DPYD: variants seen among roughly 807,000 people sequenced by gnomAD.
The protein encoded by DPYD is dihydropyrimidine dehydrogenase [NADP(+)].
Under a neutral mutation model 116.2 loss-of-function variants are expected in DPYD, and 109 were observed. That is an observed-to-expected ratio of 0.94 (90% CI 0.80 to 1.10). The LOEUF is 1.10. Among genes scored for constraint, DPYD ranks in the 50% least tolerant of loss-of-function variants. The pLI is 0.00. For missense variants in DPYD, 1,302 were observed against 1,254.5 expected (o/e 1.04, Z -0.57); for synonymous variants, 440 against 432.0 (o/e 1.02, Z -0.23).
chr1:97,435,458 C>T (rs761830329), intron 14 of DPYD, among the ~76,000 whole-genome samples: 9 of 151,780 alleles, frequency 5.9e-5, no homozygotes, highest in Non-Finnish European at 1.0e-4. Flanking sequence ...CTTCATTTGT[C>T]TTATTTTAAG....
chr1:97,577,485 C>T (rs533675157), intron 10 of DPYD, among the ~76,000 whole-genome samples: 1 of 152,130 alleles, frequency 6.6e-6, no homozygotes, highest in African/African-American at 2.4e-5. Context: ...TTGGATAACG[C>T]CCTGGACCCA....
chr1:97,905,008 C>T (rs896096786), intron 1 of DPYD, among the ~76,000 whole-genome samples: 2 of 151,892 alleles, frequency 1.3e-5, no homozygotes, highest in Non-Finnish European at 1.5e-5. Flanking sequence ...ATTAAAGTTA[C>T]CAAACCTAAA....
intron 20 of DPYD, among the ~76,000 whole-genome samples, chr1:97,157,681 C>T (rs1655573497): frequency 1.3e-5 from 2 of 152,126 alleles, no homozygotes; most frequent in African/African-American, 2.4e-5. Context: ...AATATGTATT[C>T]CATGGCACAC....
intron 20 of DPYD, among the ~76,000 whole-genome samples, chr1:97,120,145 G>A (rs1652311212): frequency 6.6e-6 from 1 of 152,128 alleles, no homozygotes; most frequent in South Asian, 2.1e-4. Context: ...TTCTTTGTCT[G>A]GGGATTTTGT....
chr1:97,514,538 T>C (rs2101971434), intron 13 of DPYD, among the ~76,000 whole-genome samples: 1 of 152,018 alleles, frequency 6.6e-6, no homozygotes, highest in South Asian at 2.1e-4. Context: ...AAGACAAATA[T>C]ACTATCAATA....
chr1:97,861,754 C>A (rs1671128898), intron 2 of DPYD, among the ~76,000 whole-genome samples: 1 of 151,700 alleles, frequency 6.6e-6, no homozygotes, highest in Non-Finnish European at 1.5e-5. Context: ...CCAACGTGAA[C>A]CAAAATTTAG....
At chr1:97,876,382 A>G (rs1445704234) in intron 2 of DPYD, among the ~76,000 whole-genome samples, 1 of 151,994 alleles carries the variant, frequency 6.6e-6, no homozygotes, top group Admixed American at 6.6e-5. Context: ...GAAGTAAGTG[A>G]GGCACTGAGG....
chr1:97,325,684 G>C (rs61787980), intron 16 of DPYD, among the ~76,000 whole-genome samples: 36,426 of 151,864 alleles, frequency 0.24, 5,467 homozygotes, highest in Admixed American at 0.39. Context: ...GTGTGTATGA[G>C]AGAGATGTGA....
intron 13 of DPYD, among the ~76,000 whole-genome samples, chr1:97,468,183 A>G (rs1677436024): frequency 6.6e-6 from 1 of 152,256 alleles, no homozygotes; most frequent in Admixed American, 6.5e-5. Flanking sequence ...GTATATATGT[A>G]TTAATCAGTT....
At chr1:97,530,368 C>T (rs1649527409) in intron 12 of DPYD, among the ~76,000 whole-genome samples, 1 of 151,944 alleles carries the variant, frequency 6.6e-6, no homozygotes, top group Non-Finnish European at 1.5e-5. Flanking sequence ...CAGGCGCCCA[C>T]CACCACGCCA....
At chr1:97,907,268 G>T (rs1036449366) in intron 1 of DPYD, among the ~76,000 whole-genome samples, 1 of 152,034 alleles carries the variant, frequency 6.6e-6, no homozygotes, top group Non-Finnish European at 1.5e-5. Flanking sequence ...TTAATTTTTA[G>T]TGTGGGTTTT....
In DPYD at chr1:97,432,300, T is replaced by C. The variant is rs557542934; in HGVS notation, c.1905+17759A>G. 5.3e-4 allele frequency among the ~76,000 whole-genome samples: 81 copies of C among 152,260 alleles called. 1 individual carries two copies. The highest frequency in any genetic ancestry group is 1.9e-3 in the African/African-American group (78 of 41,560). The stretch of plus-strand genomic sequence containing the variant: ...TCTCCCACACCCATACTGCTTTCCA[T>C]AGTGCCTATGCTAATTTACTATGTC... On this transcript the variant is annotated intron_variant, in intron 14 of 22. Transcript: ENST00000370192.
At chr1:97,406,458 T>G (rs2101651954) in intron 14 of DPYD, among the ~76,000 whole-genome samples, 1 of 152,034 alleles carries the variant, frequency 6.6e-6, no homozygotes, top group African/African-American at 2.4e-5. Context: ...AATGTGCAGG[T>G]TTGTTACATA....
At position 97,921,017 on chromosome 1, in the gene DPYD, G is replaced by A. The variant is rs1558055251; in HGVS notation, c.-95C>T. The A allele has an allele frequency of 6.7e-7, 1 of 1,490,216 alleles. No homozygotes were observed. Among genetic ancestry groups the A allele is most frequent in the Non-Finnish European group, 9.1e-7 (1 of 1,094,458 alleles). The allele number at this position is 1,490,216 out of a possible 1,614,324, so 92.3% of individuals were successfully genotyped here. ...CCAAGTGACAGCAGCCGGAGCGCGA[G>A]TCGAAAACAGGCAGACTAGGGCCGG... On this transcript the variant is annotated 5_prime_UTR_variant, in exon 1 of 23. Transcript: ENST00000370192.
chr1:97,100,347 G>A (rs890522137), intron 20 of DPYD, among the ~76,000 whole-genome samples: 1 of 152,052 alleles, frequency 6.6e-6, no homozygotes, highest in African/African-American at 2.4e-5. Context: ...CACCACATAA[G>A]GTGGCGAGCA....
At position 97,801,232 on chromosome 1, in the gene DPYD, C is replaced by A. The variant is rs143360820; in HGVS notation, c.233+26882G>T. 2.1e-3 allele frequency among the ~76,000 whole-genome samples: 324 copies of A among 152,012 alleles called. 5 individuals carry two copies. The highest frequency in any genetic ancestry group is 0.019 in the Admixed American group (284 of 15,206). ...GAGGACACAGCAAGAAGACAATACT[C>A]TGAAAGTCAGAAAGAGGGCCTTCAC... On this transcript the variant is annotated intron_variant, in intron 3 of 22. Transcript: ENST00000370192.
chr1:97,089,839 T>G (rs1157722674), intron 21 of DPYD, among the ~76,000 whole-genome samples: 288 of 150,882 alleles, frequency 1.9e-3, no homozygotes, highest in African/African-American at 5.5e-3. Context: ...TTTTTTTTTT[T>G]TTTTTTTTTT....
chr1:97,161,405 G>A (rs1655886522), intron 20 of DPYD, among the ~76,000 whole-genome samples: 1 of 152,008 alleles, frequency 6.6e-6, no homozygotes, highest in African/African-American at 2.4e-5. Context: ...TAATACATTA[G>A]GACCCTTTAT....
intron 16 of DPYD, among the ~76,000 whole-genome samples, chr1:97,373,136 G>T (rs1207134226): frequency 6.6e-6 from 1 of 152,200 alleles, no homozygotes; most frequent in South Asian, 2.1e-4. Flanking sequence ...AATAATGATC[G>T]TATGCTAAAA....
Sources: gnomAD v4.1 joint callset for allele counts (sites outside exome capture counted in the v4.1 genomes callset) on GRCh38, gnomAD v4.1.1 for gene constraint, MANE v1.5 for transcripts, NCBI Gene and HGNC (gene_info 2026-07-23, HGNC 2026-07-21) for gene names.